The following SPRTN variants were observed in gnomAD, a reference collection of about 807,000 sequenced individuals.
SPRTN encodes the protein SprT-like N-terminal domain.
SPRTN carries 11 observed loss-of-function variants against 31.9 expected under a neutral mutation model. The ratio of observed to expected loss-of-function variants is 0.34; its 90% CI spans 0.22 to 0.57. The LOEUF (loss-of-function observed/expected upper bound fraction) is 0.57. Among genes scored for constraint, SPRTN ranks in the 20% least tolerant of loss-of-function variants. The pLI is 0.86. For synonymous variants in SPRTN, 185 were observed against 212.1 expected (o/e 0.87, Z 1.11); for missense variants, 482 against 590.1 (o/e 0.82, Z 1.90).
chr1:231,351,760 G>A (rs1687245712), intron 4 of SPRTN, 189 bp downstream of exon 4: 1 of 1,247,912 alleles, frequency 8.0e-7, no homozygotes, highest in Non-Finnish European at 1.0e-6. Context: ...ACTTTGCTCT[G>A]TACAGAAGTA....
intron 3 of SPRTN, among the ~76,000 whole-genome samples, chr1:231,349,022 A>C (rs1339617783): frequency 6.6e-6 from 1 of 151,860 alleles, no homozygotes; most frequent in Non-Finnish European, 1.5e-5. Flanking sequence ...CCCAGGCTGG[A>C]TGCAGTGGTG....
At chr1:231,352,531 T>C (rs1572002410) in intron 4 of SPRTN, 79 bp from the exon 5 acceptor site, 1 of 1,511,548 alleles carries the variant, frequency 6.6e-7, no homozygotes, top group East Asian at 2.3e-5. Flanking sequence ...GAGAAAACTG[T>C]ACATTAGTTT....
intron 2 of SPRTN, among the ~76,000 whole-genome samples, chr1:231,340,780 A>G (rs1439299424): frequency 1.3e-5 from 2 of 148,596 alleles, no homozygotes; most frequent in Non-Finnish European, 3.0e-5. Flanking sequence ...CCTGGGCAAC[A>G]AGAGCGAAAC....
intron 3 of SPRTN, 25 bp from the exon 4 acceptor site, chr1:231,351,279 T>G: frequency 6.8e-7 from 1 of 1,481,084 alleles, no homozygotes; most frequent in Admixed American, 2.4e-5. Context: ...GCTTATTGAA[T>G]ACTAAAAATT....
In SPRTN at chr1:231,339,844, G is replaced by T; in HGVS notation, c.297G>T (p.Leu99Phe). 1 of 1,614,142 alleles carries T rather than the reference G, an allele frequency of 6.2e-7. No homozygotes were observed. The highest frequency in any genetic ancestry group is 8.5e-7 in the Non-Finnish European group (1 of 1,179,998). Residue 99 changes from leucine (L) to phenylalanine (F), a missense_variant, in exon 2 of 5, where the codon TTG (leucine) becomes TTT (phenylalanine). Physicochemically the swap from Leu to Phe is conservative, Grantham distance 22. This residue lies in a region of SPRTN where 157 missense variants were observed against 239.9 expected (regional missense o/e 0.65). Coordinates refer to ENST00000295050, the MANE Select transcript of SPRTN (RefSeq NM_032018.7). ...SIRLSEPLLK[L>F]RPRKDLVETL... ...GTCTCAGCGAACCCCTTTTGAAGTT[G>T]AGGCCAAGAAAGGATCTTGTAGAGG... is the stretch of plus-strand genomic sequence containing the variant.
At chr1:231,340,111 C>G (rs1571989055) in intron 2 of SPRTN, 3 of 324,246 alleles carry the variant, frequency 9.3e-6, no homozygotes, top group Non-Finnish European at 1.7e-5. Flanking sequence ...GCCTGTAATC[C>G]CGACACTTTG....
At chr1:231,342,238 G>A (rs1245566043) in intron 2 of SPRTN, among the ~76,000 whole-genome samples, 1 of 152,184 alleles carries the variant, frequency 6.6e-6, no homozygotes, top group African/African-American at 2.4e-5. Flanking sequence ...TTGGGTAAAT[G>A]ATTACATAAA....
Position 231,353,159 on chromosome 1 carries a change from A to C in SPRTN, c.1268A>C (p.Lys423Thr), listed in dbSNP as rs757693366. 1.2e-6 allele frequency: 2 copies of C among 1,612,120 alleles called. No homozygotes were observed. The highest frequency in any genetic ancestry group is 1.7e-6 in the Non-Finnish European group (2 of 1,179,466). Residue 423 changes from lysine to threonine, a missense_variant, in exon 5 of 5, where the codon AAG (lysine) becomes ACG (threonine). Coordinates refer to ENST00000295050, the MANE Select transcript of SPRTN (RefSeq NM_032018.7). Reference protein sequence around the residue: ...DKTVFDNFFIKKEQIKSSGND... With the variant: ...DKTVFDNFFITKEQIKSSGND... ...ACTGTTTTTGACAATTTTTTTATCA[A>C]GAAAGAGCAAATAAAAAGCAGTGGT...
At chr1:231,350,648 A>G (rs1687195178) in intron 3 of SPRTN, among the ~76,000 whole-genome samples, 1 of 152,204 alleles carries the variant, frequency 6.6e-6, no homozygotes, top group Non-Finnish European at 1.5e-5. Flanking sequence ...CACTAGGGAC[A>G]CAAAAAATTA....
chr1:231,349,589 C>T (rs1687161391), intron 3 of SPRTN, among the ~76,000 whole-genome samples: 1 of 152,136 alleles, frequency 6.6e-6, no homozygotes, highest in Non-Finnish European at 1.5e-5. Flanking sequence ...ACACTCCTTG[C>T]TTTTACAGGT....
chr1:231,353,414 G>A lies in SPRTN; in HGVS notation c.*53G>A. 3 of 1,508,716 alleles carry A rather than the reference G, an allele frequency of 2.0e-6. No homozygotes were observed. The highest frequency in any genetic ancestry group is 2.6e-6 in the Non-Finnish European group (3 of 1,138,496). The allele number at this position is 1,508,716 out of a possible 1,614,324, so 93.5% of individuals were successfully genotyped here. The stretch of plus-strand genomic sequence containing the variant: ...CTGTATTATCTCACTAATGTGCTAT[G>A]TCAGCCAGTCAGGAAGTTCTGGTTA... On this transcript the variant is annotated 3_prime_UTR_variant, in exon 5 of 5. Transcript: ENST00000295050.
intron 1 of SPRTN, among the ~76,000 whole-genome samples, chr1:231,338,813 C>A (rs1390497357): frequency 2.6e-5 from 4 of 152,148 alleles, no homozygotes; most frequent in Non-Finnish European, 5.9e-5. Flanking sequence ...GCTGTGTAGA[C>A]CACACCGCCA....
At position 231,347,944 on chromosome 1, in the gene SPRTN, A is replaced by G; in HGVS notation, c.450+19A>G. 6.2e-7 allele frequency: 1 copy of G among 1,600,294 alleles called. No individual in the cohort carries two copies. ...TATAACGGTATAGAAAGCCATATCTATTTATGATGTTTAGTAGTTGTTTAT... is the reference window on the plus strand; with the variant it reads ...TATAACGGTATAGAAAGCCATATCTGTTTATGATGTTTAGTAGTTGTTTAT... On this transcript the variant is annotated intron_variant, in intron 3 of 4. Coordinates refer to ENST00000295050, the MANE Select transcript of SPRTN (RefSeq NM_032018.7).
intron 3 of SPRTN, 111 bp downstream of exon 3, chr1:231,348,036 C>T: frequency 5.5e-6 from 8 of 1,447,376 alleles, no homozygotes; most frequent in Non-Finnish European, 7.4e-6. Context: ...TGAGGATTTT[C>T]CACAGCGAAC....
Position 231,342,219 on chromosome 1 carries a change from G to T in SPRTN, c.321+2351G>T, listed in dbSNP as rs1686915987. Among the ~76,000 whole-genome samples, 3 of 152,172 alleles carry T rather than the reference G, an allele frequency of 2.0e-5. No homozygotes were observed. In the South Asian group the frequency reaches 6.2e-4, roughly 31 times the overall value. On this transcript the variant is annotated intron_variant, in intron 2 of 4. Transcript: ENST00000295050. ...GCCCTAACTGGAAGAGTTGCTTAAT[G>T]AATATGTATTGGGTAAATGATTACA...
chr1:231,342,979 C>T lies in SPRTN; in HGVS notation c.321+3111C>T, dbSNP rs184046175. 1.3e-3 allele frequency among the ~76,000 whole-genome samples: 198 copies of T among 152,070 alleles called. 1 individual carries two copies. The highest frequency in any genetic ancestry group is 8.7e-4 in the Non-Finnish European group (59 of 67,978). On this transcript the variant is annotated intron_variant, in intron 2 of 4. Transcript: ENST00000295050. ...GTCTCAATCTCCTGACCTCGTGATC[C>T]GCCCGACTCAGCCTCCCAAAGTGCT...
At chr1:231,343,955 G>T (rs1381739524) in intron 2 of SPRTN, among the ~76,000 whole-genome samples, 1 of 152,112 alleles carries the variant, frequency 6.6e-6, no homozygotes, top group East Asian at 1.9e-4. Flanking sequence ...TAACCCGATA[G>T]AACAGTCATG....
chr1:231,347,971 C>T, intron 3 of SPRTN, 46 bp downstream of exon 3: 1 of 1,576,782 alleles, frequency 6.3e-7, no homozygotes, highest in Non-Finnish European at 8.6e-7. Context: ...GTTGTTTATT[C>T]AATAACTCCT....
chr1:231,338,613 C>A lies in SPRTN; in HGVS notation c.221+9C>A. 6.2e-7 allele frequency: 1 copy of A among 1,613,928 alleles called. No homozygotes were observed. The highest frequency in any genetic ancestry group is 8.5e-7 in the Non-Finnish European group (1 of 1,179,810). On this transcript the variant is annotated intron_variant, in intron 1 of 4. Coordinates refer to ENST00000295050, the MANE Select transcript of SPRTN (RefSeq NM_032018.7). ...AGCGTGCGAATGACCCTGTGAGTTC[C>A]GAGCCCCGCTGGGGAAAGAGGCGGG...
Sources: allele counts gnomAD v4.1 joint callset (sites outside exome capture counted in the v4.1 genomes callset), GRCh38; gene constraint gnomAD v4.1.1; regional missense constraint gnomAD v4.1.1; transcripts MANE v1.5; gene names NCBI Gene and HGNC (gene_info 2026-07-23, HGNC 2026-07-21).